RAPGEF4: variants seen among roughly 807,000 people sequenced by gnomAD.
The protein encoded by RAPGEF4 is RAP guanine-nucleotide-exchange factor (GEF) 4.
RAPGEF4 carries 66 observed loss-of-function variants against 147.9 expected under a neutral mutation model. The ratio of observed to expected loss-of-function variants is 0.45; its 90% CI spans 0.37 to 0.55. The LOEUF (loss-of-function observed/expected upper bound fraction) is 0.55, where lower values mean the gene tolerates loss of function less well. Ranked by LOEUF, RAPGEF4 falls within the 20% of genes least tolerant of loss-of-function variation. The probability of loss-of-function intolerance (pLI) is 0.00; values close to 1 mark genes in which losing one functional copy is unlikely to be tolerated. For synonymous variants in RAPGEF4, 419 were observed against 442.7 expected, an observed-to-expected ratio of 0.95 and a Z score of 0.67; for missense variants, 1,071 against 1,257.3, an observed-to-expected ratio of 0.85 and a Z score of 2.24.
chr2:173,036,065 G>A, intron 27 of RAPGEF4, 60 bp from the exon 28 acceptor site: 1 of 1,254,742 alleles, frequency 8.0e-7, no homozygotes, highest in Admixed American at 1.7e-5. Context: ...GTATTAGGAG[G>A]TAACAAAGGG....
intron 17 of RAPGEF4, among the ~76,000 whole-genome samples, chr2:173,005,527 T>TG (rs1694367306): frequency 1.5e-5 from 2 of 134,344 alleles, no homozygotes; most frequent in East Asian, 2.1e-4. Context: ...TGTGTTTTTT[T>TG]TTTTTTTTTT....
intron 4 of RAPGEF4, among the ~76,000 whole-genome samples, chr2:172,857,759 A>T (rs1189388264): frequency 1.3e-5 from 2 of 151,872 alleles, no homozygotes; most frequent in Non-Finnish European, 2.9e-5. Context: ...GCGTGCCTGC[A>T]GTCCCAGATA....
At chr2:172,802,324 C>G (rs1429872899) in intron 3 of RAPGEF4, among the ~76,000 whole-genome samples, 1 of 152,238 alleles carries the variant, frequency 6.6e-6, no homozygotes, top group Non-Finnish European at 1.5e-5. Context: ...TATAGTTCCA[C>G]ATGGCTAGAG....
intron 10 of RAPGEF4, among the ~76,000 whole-genome samples, chr2:172,971,901 A>C (rs1690529504): frequency 5.3e-5 from 8 of 152,300 alleles, no homozygotes; most frequent in Admixed American, 5.2e-4. Context: ...CTGAAAACTG[A>C]GAGCATGTTC....
intron 15 of RAPGEF4, among the ~76,000 whole-genome samples, chr2:172,991,756 G>A (rs981334746): frequency 7.2e-5 from 11 of 152,104 alleles, no homozygotes; most frequent in Non-Finnish European, 1.5e-4. Context: ...TCCTTTGTTT[G>A]CCAAATAAGC....
At position 172,808,642 on chromosome 2, in the gene RAPGEF4, A is replaced by G. The variant is rs141098257; in HGVS notation, c.298-5637A>G. On this transcript the variant is annotated intron_variant, in intron 3 of 30. Coordinates refer to ENST00000397081, the MANE Select transcript of RAPGEF4 (RefSeq NM_007023.4). ...TATGTGCCAGAAACTATACAGCACT[A>G]TAATGGACTCTGTGTATTACTTTAT... is the stretch of plus-strand genomic sequence containing the variant. Among the ~76,000 whole-genome samples the G allele has an allele frequency of 1.5e-4, 23 of 152,368 alleles. No homozygotes were observed. The East Asian group carries it at 2.9e-3, about 19-fold the overall frequency.
intron 4 of RAPGEF4, among the ~76,000 whole-genome samples, chr2:172,909,415 A>G (rs1359049806): frequency 6.6e-6 from 1 of 152,234 alleles, no homozygotes; most frequent in Non-Finnish European, 1.5e-5. Flanking sequence ...AGCCAAAGAC[A>G]TAGCTCTTTC....
chr2:172,915,481 G>C (rs1295275654), intron 4 of RAPGEF4, among the ~76,000 whole-genome samples: 7 of 151,974 alleles, frequency 4.6e-5, no homozygotes, highest in Non-Finnish European at 1.0e-4. Flanking sequence ...CGGGTGGATT[G>C]CTTTGAGCTC....
intron 4 of RAPGEF4, chr2:172,889,674 T>C (rs11904533): frequency 0.054 from 8,933 of 165,040 alleles, 885 homozygotes; most frequent in African/African-American, 0.2. Flanking sequence ...TCTCATTCAC[T>C]GTGAGAATAC....
chr2:172,831,122 A>G (rs996695032), intron 4 of RAPGEF4, among the ~76,000 whole-genome samples: 1 of 152,112 alleles, frequency 6.6e-6, no homozygotes, highest in Admixed American at 6.6e-5. Flanking sequence ...AATTGACTCT[A>G]ACATACCTAC....
chr2:172,967,070 G>A (rs1689917900), intron 9 of RAPGEF4, 191 bp from the exon 10 acceptor site: 1 of 578,616 alleles, frequency 1.7e-6, no homozygotes, highest in South Asian at 2.2e-5. Flanking sequence ...GGGCTGTGGT[G>A]TGCATGACTG....
At chr2:172,971,111 C>T (rs1480884152) in intron 10 of RAPGEF4, among the ~76,000 whole-genome samples, 1 of 152,116 alleles carries the variant, frequency 6.6e-6, no homozygotes, top group African/African-American at 2.4e-5. Context: ...TGCATTTTGG[C>T]TTTCTTTGAG....
intron 1 of RAPGEF4, among the ~76,000 whole-genome samples, chr2:172,763,024 G>T (rs1696494627): frequency 6.6e-6 from 1 of 152,126 alleles, no homozygotes; most frequent in African/African-American, 2.4e-5. Flanking sequence ...CTTATTTTTT[G>T]AAACTAAGGT....
At chr2:172,990,732 G>A in intron 14 of RAPGEF4, 78 bp from the exon 15 acceptor site, 1 of 982,436 alleles carries the variant, frequency 1.0e-6, no homozygotes, top group South Asian at 1.5e-5. Context: ...CACCAAATGA[G>A]TTTCTGAAGC....
intron 4 of RAPGEF4, among the ~76,000 whole-genome samples, chr2:172,879,115 T>C (rs1696313676): frequency 6.6e-6 from 1 of 152,212 alleles, no homozygotes; most frequent in Non-Finnish European, 1.5e-5. Flanking sequence ...GGGCCTGTTT[T>C]TGGTAGTATT....
chr2:172,822,159 G>A (rs1481587817), intron 4 of RAPGEF4, among the ~76,000 whole-genome samples: 1 of 152,168 alleles, frequency 6.6e-6, no homozygotes, highest in Non-Finnish European at 1.5e-5. Context: ...TGTGGTGTGT[G>A]TGGGGCCAGG....
chr2:172,892,653 A>C (rs747524348), intron 4 of RAPGEF4, among the ~76,000 whole-genome samples: 2 of 152,248 alleles, frequency 1.3e-5, no homozygotes, highest in Non-Finnish European at 2.9e-5. Context: ...TCTGAAATGC[A>C]TTCAACAAGG....
chr2:172,920,848 G>T (rs1041931562), intron 5 of RAPGEF4, among the ~76,000 whole-genome samples: 1 of 152,158 alleles, frequency 6.6e-6, no homozygotes, highest in Non-Finnish European at 1.5e-5. Context: ...TTTGGGATGA[G>T]CTTCAGAGTG....
chr2:172,844,129 G>T (rs921469009), intron 4 of RAPGEF4, among the ~76,000 whole-genome samples: 1 of 152,196 alleles, frequency 6.6e-6, no homozygotes, highest in Non-Finnish European at 1.5e-5. Flanking sequence ...TTTACGGGTT[G>T]ATCAGTATAC....
Sources: allele counts gnomAD v4.1 joint callset (sites outside exome capture counted in the v4.1 genomes callset), GRCh38; gene constraint gnomAD v4.1.1; transcripts MANE v1.5; gene names NCBI Gene and HGNC (gene_info 2026-07-23, HGNC 2026-07-21).